FHIT: variants seen among roughly 807,000 people sequenced by gnomAD.
The protein encoded by FHIT is fragile histidine triad diadenosine triphosphatase, also known as bis(5'-adenosyl)-triphosphatase.
In FHIT, 19 loss-of-function variants were observed where a neutral mutation model predicts 17.9. That is an observed-to-expected ratio of 1.06 (90% confidence interval 0.74 to 1.56). The LOEUF is 1.56. Among genes scored for constraint, FHIT ranks in the 40% most tolerant of loss-of-function variants. The pLI is 0.00. For missense variants in FHIT, 248 were observed against 189.2 expected, an observed-to-expected ratio of 1.31 and a Z score of -1.82; for synonymous variants, 81 against 69.7, an observed-to-expected ratio of 1.16 and a Z score of -0.81.
intron 5 of FHIT, among the ~76,000 whole-genome samples, chr3:60,430,326 C>T (rs1174899903): frequency 6.6e-6 from 1 of 151,942 alleles, no homozygotes; most frequent in African/African-American, 2.4e-5. Flanking sequence ...TCTGAACAAA[C>T]ATTACCTTTT....
At chr3:61,011,039 C>G (rs565445307) in intron 3 of FHIT, among the ~76,000 whole-genome samples, 1 of 152,126 alleles carries the variant, frequency 6.6e-6, no homozygotes, top group East Asian at 1.9e-4. Flanking sequence ...AGGTAAACTT[C>G]GAATGTTTCC....
At chr3:60,501,868 A>G (rs1219022630) in intron 5 of FHIT, among the ~76,000 whole-genome samples, 1 of 152,220 alleles carries the variant, frequency 6.6e-6, no homozygotes, top group Non-Finnish European at 1.5e-5. Context: ...CATATTACGC[A>G]CTCAGTACTT....
chr3:60,892,705 G>A (rs1553760967), intron 3 of FHIT, among the ~76,000 whole-genome samples: 1 of 152,108 alleles, frequency 6.6e-6, no homozygotes. Flanking sequence ...GCATTAGAAA[G>A]ACATTAAATG....
chr3:60,568,615 A>T (rs554189246), intron 4 of FHIT, among the ~76,000 whole-genome samples: 186 of 133,682 alleles, frequency 1.4e-3, no homozygotes, highest in African/African-American at 4.3e-3. Context: ...AATAAAAATT[A>T]AAAAAAAAGA....
intron 5 of FHIT, among the ~76,000 whole-genome samples, chr3:60,461,498 G>A (rs1286373314): frequency 1.3e-5 from 2 of 152,146 alleles, no homozygotes; most frequent in Non-Finnish European, 2.9e-5. Flanking sequence ...TTTTCTTTAA[G>A]ATGAAAGGTG....
chr3:59,869,830 ATGAAAGC>A (rs1259899092), intron 8 of FHIT, among the ~76,000 whole-genome samples: 1 of 151,992 alleles, frequency 6.6e-6, no homozygotes, highest in East Asian at 1.9e-4. Context: ...AAGTTACCAG[ATGAAAGC>A]TGCCCACTGT....
chr3:60,093,744 A>G (rs1703826361), intron 5 of FHIT, among the ~76,000 whole-genome samples: 1 of 152,158 alleles, frequency 6.6e-6, no homozygotes, highest in Non-Finnish European at 1.5e-5. Context: ...CGGGCTCCTT[A>G]TGAGAATTTA....
chr3:59,759,108 G>A (rs145371900), intron 8 of FHIT, among the ~76,000 whole-genome samples: 80 of 151,962 alleles, frequency 5.3e-4, no homozygotes, highest in Non-Finnish European at 8.8e-4. Flanking sequence ...AAGTAAAGGG[G>A]CAGGAAGGAA....
At chr3:60,713,978 C>A (rs1349739611) in intron 4 of FHIT, among the ~76,000 whole-genome samples, 45 of 151,484 alleles carry the variant, frequency 3.0e-4, no homozygotes, top group African/African-American at 8.7e-4. Context: ...GAGACACAAC[C>A]AAAAAAGAGA....
intron 2 of FHIT, among the ~76,000 whole-genome samples, chr3:61,043,756 C>G (rs1390796323): frequency 1.1e-4 from 16 of 152,200 alleles, no homozygotes; most frequent in Non-Finnish European, 1.9e-4. Context: ...CCTCACACAG[C>G]CAAGTACCCC....
intron 2 of FHIT, among the ~76,000 whole-genome samples, chr3:61,187,576 C>T (rs972054475): frequency 2.6e-5 from 4 of 152,154 alleles, no homozygotes; most frequent in Admixed American, 1.3e-4. Flanking sequence ...CTGCAGCAAG[C>T]GGACCTAATA....
At chr3:59,838,578 C>T (rs1362448732) in intron 8 of FHIT, among the ~76,000 whole-genome samples, 3 of 152,130 alleles carry the variant, frequency 2.0e-5, no homozygotes, top group Non-Finnish European at 4.4e-5. Flanking sequence ...CTAGCATCTG[C>T]TCTACTGTGG....
At chr3:61,210,693 G>A (rs1458084326) in intron 1 of FHIT, among the ~76,000 whole-genome samples, 1 of 152,114 alleles carries the variant, frequency 6.6e-6, no homozygotes, top group Non-Finnish European at 1.5e-5. Flanking sequence ...GATTTTCCAG[G>A]TGCCATCTGT....
At chr3:61,021,166 G>A (rs1225287723) in intron 3 of FHIT, among the ~76,000 whole-genome samples, 1 of 152,056 alleles carries the variant, frequency 6.6e-6, no homozygotes, top group Non-Finnish European at 1.5e-5. Flanking sequence ...ACTCAGCTCT[G>A]GACCAAGCAG....
intron 5 of FHIT, among the ~76,000 whole-genome samples, chr3:60,255,527 C>T (rs1002093804): frequency 6.6e-6 from 1 of 152,036 alleles, no homozygotes; most frequent in South Asian, 2.1e-4. Flanking sequence ...AACTTCTCAC[C>T]AACTGCTTTC....
intron 5 of FHIT, among the ~76,000 whole-genome samples, chr3:60,370,823 C>T (rs1559860545): frequency 6.6e-6 from 1 of 152,210 alleles, no homozygotes; most frequent in Non-Finnish European, 1.5e-5. Flanking sequence ...TCTAAGTGCT[C>T]TTCTTAAAAT....
At chr3:60,173,914 T>TA (rs1701539826) in intron 5 of FHIT, among the ~76,000 whole-genome samples, 1 of 79,072 alleles carries the variant, frequency 1.3e-5, no homozygotes, top group African/African-American at 5.6e-5. Context: ...TATATATATA[T>TA]ATGTTTTTTT....
chr3:59,767,227 G>A lies in FHIT; in HGVS notation c.349-14906C>T, dbSNP rs150194979. On this transcript the variant is annotated intron_variant, in intron 8 of 9. Transcript: ENST00000492590. ...AAAAATGGAGAGCTGGGCCGGGCGC[G>A]GTGGCTCACGCCTGTAATCCCAGCA... Among the ~76,000 whole-genome samples the A allele has an allele frequency of 2.7e-4, 41 of 152,224 alleles. No individual in the cohort carries two copies. In the East Asian group the frequency reaches 6.2e-3, roughly 23 times the overall value.
chr3:60,649,191 A>G (rs1210756239), intron 4 of FHIT, among the ~76,000 whole-genome samples: 1 of 152,058 alleles, frequency 6.6e-6, no homozygotes, highest in Non-Finnish European at 1.5e-5. Flanking sequence ...AGGTCAGGAG[A>G]TCGAGACCAT....
Sources: gnomAD v4.1 joint callset for allele counts (sites outside exome capture counted in the v4.1 genomes callset) on GRCh38, gnomAD v4.1.1 for gene constraint, MANE v1.5 for transcripts, NCBI Gene and HGNC (gene_info 2026-07-23, HGNC 2026-07-21) for gene names.